Variants in RUNDC1 observed in about 807,000 individuals in gnomAD.
RUNDC1 encodes RUN domain containing 1, also known as RUN domain-containing protein 1.
RUNDC1 carries 31 observed loss-of-function variants against 49.3 expected under a neutral mutation model. The ratio of observed to expected loss-of-function variants is 0.63; its 90% CI spans 0.47 to 0.85. The LOEUF is 0.85. RUNDC1 is among the 40% of genes least tolerant of loss of function. The probability of loss-of-function intolerance (pLI) is 0.00; values close to 1 mark genes in which losing one functional copy is unlikely to be tolerated. For missense variants in RUNDC1, 715 were observed against 806.7 expected (o/e 0.89, Z 1.38); for synonymous variants, 347 against 348.6 (o/e 1.00, Z 0.05).
rs779605527 is a variant in RUNDC1 at position 42,981,045 on chromosome 17, G to A, written c.469G>A (p.Asp157Asn). ...ASDEGDGLPG[D>N]RPWLRGEDQS... Reference sequence around the variant, plus strand: ...CGATGAGGGCGATGGGCTGCCAGGGGACCGGCCATGGTTGCGGGGCGAGGA... The same window carrying A: ...CGATGAGGGCGATGGGCTGCCAGGGAACCGGCCATGGTTGCGGGGCGAGGA... Residue 157 changes from aspartate (D) to asparagine (N), a missense_variant, in exon 1 of 5, where the codon GAC (aspartate) becomes AAC (asparagine). This residue lies in a region of RUNDC1 where 113 missense variants were observed against 93.4 expected (regional missense o/e 1.21). Coordinates refer to ENST00000361677, the MANE Select transcript of RUNDC1 (RefSeq NM_173079.5). The A allele has an allele frequency of 6.4e-7, 1 of 1,558,964 alleles. No homozygotes were observed. Among genetic ancestry groups the A allele is most frequent in the East Asian group, 2.4e-5 (1 of 41,428 alleles).
rs376014187 is a variant in RUNDC1, at chr17:42,989,528, A to C, written c.845A>C (p.Asn282Thr). Residue 282 changes from asparagine to threonine, a missense_variant, in exon 3 of 5, where the codon AAC becomes ACC. Around this residue, in one of 5 missense-constraint regions of RUNDC1, gnomAD observed 425 missense variants for 499.7 expected, o/e 0.85. Transcript: ENST00000361677. ...TQIRDLEMFI[N>T]FIQDEVGSPL... ...ATCCGAGACCTTGAGATGTTTATCA[A>C]CTTCATCCAAGGTTAGAGGAGGGGA... 1.9e-6 allele frequency: 3 copies of C among 1,614,164 alleles called. No individual in the cohort carries two copies. Among genetic ancestry groups the C allele is most frequent in the Non-Finnish European group, 2.5e-6 (3 of 1,179,976 alleles).
chr17:42,980,739 G>C lies in RUNDC1; in HGVS notation c.163G>C (p.Ala55Pro). The C allele has an allele frequency of 6.5e-7, 1 of 1,527,640 alleles. No homozygotes were observed. The highest frequency in any genetic ancestry group is 8.8e-7 in the Non-Finnish European group (1 of 1,141,246). 94.6% of individuals were successfully genotyped at this position (1,527,640 alleles called of 1,614,324 possible). A position where few individuals can be genotyped will look rare whatever the true frequency, so the allele number is the denominator to read the frequency against. ...GGCGGAGGCCCGGCCTGGGGCAACC[G>C]CGTTTTTAGAAGAGGCGACGGCCGA... The part of the protein sequence containing the change: ...AVAEARPGAT[A>P]FLEEATAEEP... Residue 55 changes from alanine (A) to proline (P), a missense_variant, in exon 1 of 5, where the codon GCG (alanine) becomes CCG (proline). Physicochemically the swap from Ala to Pro is conservative, Grantham distance 27. This residue lies in a region of RUNDC1 where 153 missense variants were observed against 139.4 expected (regional missense o/e 1.10). Coordinates refer to ENST00000361677, the MANE Select transcript of RUNDC1 (RefSeq NM_173079.5).
rs2050275045 is a variant in RUNDC1, at chr17:42,993,726, G to C, written c.*2010G>C. 1 of 152,098 alleles carries C rather than the reference G, an allele frequency of 6.6e-6. No homozygotes were observed. The highest frequency in any genetic ancestry group is 2.4e-5 in the African/African-American group (1 of 41,396). 9.4% of individuals were successfully genotyped at this position (152,098 alleles called of 1,614,324 possible). On this transcript the variant is annotated 3_prime_UTR_variant, in exon 5 of 5. Transcript: ENST00000361677. Reference sequence around the variant, plus strand: ...CTGTCCTCTGTTACGGATCATCTCAGCTTTGGTGGTGGTAGTAGGGGTTTT... The same window carrying C: ...CTGTCCTCTGTTACGGATCATCTCACCTTTGGTGGTGGTAGTAGGGGTTTT...
intron 2 of RUNDC1, among the ~76,000 whole-genome samples, chr17:42,988,542 C>T (rs1254557295): frequency 2.6e-5 from 4 of 152,096 alleles, no homozygotes; most frequent in African/African-American, 7.2e-5. Flanking sequence ...TGTGAGCCAC[C>T]GCACCCAGCC....
chr17:42,987,425 C>T lies in RUNDC1; in HGVS notation c.657+11C>T, dbSNP rs749130330. On this transcript the variant is annotated intron_variant, in intron 2 of 4. Coordinates refer to ENST00000361677, the MANE Select transcript of RUNDC1 (RefSeq NM_173079.5). ...TTGGAAAGACAGCGGGTGAGCAGAC[C>T]CCAGAGGAACCTCCACCACTGCCCG... The T allele has an allele frequency of 3.7e-6, 6 of 1,613,166 alleles. No homozygotes were observed. In the African/African-American group the frequency reaches 6.7e-5, roughly 18 times the overall value.
chr17:42,990,004 A>G (rs1285166069), intron 3 of RUNDC1, among the ~76,000 whole-genome samples: 2 of 152,198 alleles, frequency 1.3e-5, no homozygotes, highest in African/African-American at 4.8e-5. Flanking sequence ...GCATTGGCAG[A>G]GTAGAAAGTG....
At position 42,980,924 on chromosome 17, in the gene RUNDC1, G is replaced by T; in HGVS notation, c.348G>T (p.Pro116=). Reference sequence around the variant, plus strand: ...TGCGCCAGGTGGTGCGCGGGGCGCCGGCGGAGCAGCAGCGCCTTCTGCGGG... The same window carrying T: ...TGCGCCAGGTGGTGCGCGGGGCGCCTGCGGAGCAGCAGCGCCTTCTGCGGG... The part of the protein sequence containing the change: ...FRLRQVVRGA[P]AEQQRLLREL... Residue 116 remains proline (P), a synonymous_variant, in exon 1 of 5, where the codon CCG becomes CCT. Transcript: ENST00000361677. 1 of 1,532,354 alleles carries T rather than the reference G, an allele frequency of 6.5e-7. No homozygotes were observed. The highest frequency in any genetic ancestry group is 2.0e-4 in the Middle Eastern group (1 of 4,930). The allele number at this position is 1,532,354 out of a possible 1,614,324, so 94.9% of individuals were successfully genotyped here. A position where few individuals can be genotyped will look rare whatever the true frequency, so the allele number is the denominator to read the frequency against.
intron 1 of RUNDC1, chr17:42,985,725 A>G (rs2050162957): frequency 6.1e-6 from 6 of 981,238 alleles, no homozygotes; most frequent in Middle Eastern, 5.2e-4. Flanking sequence ...CCTTGCCCCT[A>G]CAAATGATTT....
intron 2 of RUNDC1, among the ~76,000 whole-genome samples, chr17:42,988,500 G>A (rs1175073085): frequency 1.3e-5 from 2 of 151,402 alleles, no homozygotes; most frequent in African/African-American, 4.9e-5. Flanking sequence ...TGATCCACCC[G>A]CCTTGGCCTC....
At position 42,994,932 on chromosome 17, in the gene RUNDC1, A is replaced by G. The variant is rs564300604; in HGVS notation, c.*3216A>G. ...GAAATGTAGGGTGTGTTGTACAAGT[A>G]TGATCTGCAAAGTATTGTTAAAGCC... On this transcript the variant is annotated 3_prime_UTR_variant, in exon 5 of 5. Coordinates refer to ENST00000361677, the MANE Select transcript of RUNDC1 (RefSeq NM_173079.5). Among the ~76,000 whole-genome samples, 1 of 144,872 alleles carries G rather than the reference A, an allele frequency of 6.9e-6. No individual in the cohort carries two copies. The highest frequency in any genetic ancestry group is 2.4e-4 in the South Asian group (1 of 4,214).
Position 42,991,979 on chromosome 17 carries a change from C to T in RUNDC1, c.*263C>T. 2 of 409,642 alleles carry T rather than the reference C, an allele frequency of 4.9e-6. No homozygotes were observed. Among genetic ancestry groups the T allele is most frequent in the Non-Finnish European group, 9.1e-6 (2 of 220,984 alleles). 25.4% of individuals were successfully genotyped at this position (409,642 alleles called of 1,614,324 possible). A position where few individuals can be genotyped will look rare whatever the true frequency, so the allele number is the denominator to read the frequency against. On this transcript the variant is annotated 3_prime_UTR_variant, in exon 5 of 5. Coordinates refer to ENST00000361677, the MANE Select transcript of RUNDC1 (RefSeq NM_173079.5). ...CCTGTAATCCCAGCACTTTGGGAGGCCGAGGCGGGCGGATCACAAGGTCAG... is the reference window on the plus strand; with the variant it reads ...CCTGTAATCCCAGCACTTTGGGAGGTCGAGGCGGGCGGATCACAAGGTCAG...
Position 42,991,352 on chromosome 17 carries a change from C to T in RUNDC1, c.1478C>T (p.Ala493Val). 1 of 1,614,228 alleles carries T rather than the reference C, an allele frequency of 6.2e-7. No individual in the cohort carries two copies. The change falls in exon 5 of 5, where the codon GCC becomes GTC. Residue 493 changes from alanine to valine, a missense_variant. Coordinates refer to ENST00000361677, the MANE Select transcript of RUNDC1 (RefSeq NM_173079.5). ...KNGRAYVESPARKLSQSFALP... is the reference protein window; with the variant it reads ...KNGRAYVESPVRKLSQSFALP... ...GGCCGTGCTTATGTGGAATCCCCAG[C>T]CCGGAAGCTCTCCCAGTCCTTCGCC... is the stretch of plus-strand genomic sequence containing the variant.
intron 1 of RUNDC1, among the ~76,000 whole-genome samples, chr17:42,985,993 CTT>C (rs1280260918): frequency 6.6e-6 from 1 of 151,920 alleles, no homozygotes; most frequent in East Asian, 1.9e-4. Flanking sequence ...GCCTTTTACT[CTT>C]TTGTTTTTGG....
intron 1 of RUNDC1, among the ~76,000 whole-genome samples, chr17:42,983,856 G>C (rs1249298678): frequency 6.6e-6 from 1 of 151,738 alleles, no homozygotes; most frequent in African/African-American, 2.4e-5. Flanking sequence ...ATTTTTAGTA[G>C]AGATGGGGTT....
rs769067964 is a variant in RUNDC1, at chr17:42,989,435, C to G, written c.752C>G (p.Ala251Gly). 5.6e-6 allele frequency: 9 copies of G among 1,613,372 alleles called. No homozygotes were observed. Among genetic ancestry groups the G allele is most frequent in the Non-Finnish European group, 7.6e-6 (9 of 1,179,810 alleles). Residue 251 changes from alanine to glycine, a missense_variant, in exon 3 of 5, where the codon GCA (alanine) becomes GGA (glycine). Ala to Gly is a moderately conservative substitution (Grantham distance 60). Coordinates refer to ENST00000361677, the MANE Select transcript of RUNDC1 (RefSeq NM_173079.5). Reference protein sequence around the residue: ...STEELRQRVDAAVAQIVNPAR... With the variant: ...STEELRQRVDGAVAQIVNPAR... ...GAAGAGCTTCGTCAGCGTGTAGATGCAGCAGTGGCTCAGATCGTCAACCCA... is the reference window on the plus strand; with the variant it reads ...GAAGAGCTTCGTCAGCGTGTAGATGGAGCAGTGGCTCAGATCGTCAACCCA...
chr17:42,992,590 AAGAC>A lies in RUNDC1; in HGVS notation c.*876_*879del, dbSNP rs1191069002. The A allele has an allele frequency of 6.6e-6, 1 of 151,092 alleles. No individual in the cohort carries two copies. The highest frequency in any genetic ancestry group is 6.6e-5 in the Admixed American group (1 of 15,184). 9.4% of individuals were successfully genotyped at this position (151,092 alleles called of 1,614,324 possible). A position where few individuals can be genotyped will look rare whatever the true frequency, so the allele number is the denominator to read the frequency against. On this transcript the variant is annotated 3_prime_UTR_variant, in exon 5 of 5. Coordinates refer to ENST00000361677, the MANE Select transcript of RUNDC1 (RefSeq NM_173079.5). The stretch of plus-strand genomic sequence containing the variant: ...TCTCAAAAAAAAAAAAAAAAAAAAA[AAGAC>A]ATTCAACTTGAGGCTCCTGTTAGTT...
In RUNDC1 at chr17:42,990,855, G is replaced by A. The variant is rs1345294307; in HGVS notation, c.981G>A (p.Lys327=). Residue 327 remains lysine (K), a synonymous_variant, in exon 5 of 5, where the codon AAG becomes AAA. Transcript: ENST00000361677. The part of the protein sequence containing the change: ...SRTPPGNSKT[K]AEDVKKVRET... ...GCCACTGTCTTTTCTAAGCAGCAAA[G>A]GCAGAGGATGTGAAGAAAGTCCGGG... is the stretch of plus-strand genomic sequence containing the variant. 4 of 1,588,872 alleles carry A rather than the reference G, an allele frequency of 2.5e-6. No individual in the cohort carries two copies. In the South Asian group the frequency reaches 4.5e-5, roughly 18 times the overall value.
In RUNDC1 at chr17:42,994,246, G is replaced by A. The variant is rs2151962880; in HGVS notation, c.*2530G>A. On this transcript the variant is annotated 3_prime_UTR_variant, in exon 5 of 5. Coordinates refer to ENST00000361677, the MANE Select transcript of RUNDC1 (RefSeq NM_173079.5). ...ATGGCGTAGCCCAGCGATCACCCCA[G>A]TATTGCCTTTTTCAAATCACAAAAA... 6.6e-6 allele frequency among the ~76,000 whole-genome samples: 1 copy of A among 152,356 alleles called. No homozygotes were observed. Among genetic ancestry groups the A allele is most frequent in the Admixed American group, 6.5e-5 (1 of 15,306 alleles).
Position 42,980,938 on chromosome 17 carries a change from G to T in RUNDC1, c.362G>T (p.Arg121Leu), listed in dbSNP as rs770648532. Residue 121 changes from arginine to leucine, a missense_variant, in exon 1 of 5, where the codon CGC (arginine) becomes CTC (leucine). This residue lies in a region of RUNDC1 where 113 missense variants were observed against 93.4 expected (regional missense o/e 1.21). Transcript: ENST00000361677. ...CGCGGGGCGCCGGCGGAGCAGCAGCGCCTTCTGCGGGAGCTCGAAGACTTC... is the reference window on the plus strand; with the variant it reads ...CGCGGGGCGCCGGCGGAGCAGCAGCTCCTTCTGCGGGAGCTCGAAGACTTC... The part of the protein sequence containing the change: ...VVRGAPAEQQ[R>L]LLRELEDFAF... 12 of 1,538,222 alleles carry T rather than the reference G, an allele frequency of 7.8e-6. No homozygotes were observed. In the East Asian group the frequency reaches 2.9e-4, roughly 38 times the overall value.
Sources: allele counts gnomAD v4.1 joint callset (sites outside exome capture counted in the v4.1 genomes callset), GRCh38; gene constraint gnomAD v4.1.1; regional missense constraint gnomAD v4.1.1; transcripts MANE v1.5; gene names NCBI Gene and HGNC (gene_info 2026-07-23, HGNC 2026-07-21).